HYDIN: variants seen among roughly 807,000 people sequenced by gnomAD.
The protein encoded by HYDIN is HYDIN axonemal central pair apparatus protein.
A neutral mutation model predicts 403.9 loss-of-function variants in HYDIN; 132 were observed. The ratio of observed to expected loss-of-function variants is 0.33; its 90% CI spans 0.28 to 0.38. The LOEUF is 0.38. Among genes scored for constraint, HYDIN ranks in the 10% least tolerant of loss-of-function variants. The pLI, the probability that HYDIN is intolerant of heterozygous loss-of-function variation, is 1.00. For synonymous variants in HYDIN, 1,202 were observed against 1,891.7 expected, an observed-to-expected ratio of 0.64 and a Z score of 9.46; for missense variants, 2,827 against 5,009.5, an observed-to-expected ratio of 0.56 and a Z score of 13.15.
chr16:70,896,144 T>C, intron 53 of HYDIN, 64 bp from the exon 54 acceptor site: 4 of 1,597,276 alleles, frequency 2.5e-6, no homozygotes, highest in Non-Finnish European at 3.4e-6. Flanking sequence ...GCCTGAAACA[T>C]GTAATATCCT....
chr16:70,820,357 A>AT (rs1268823169), intron 83 of HYDIN, among the ~76,000 whole-genome samples: 160 of 147,140 alleles, frequency 1.1e-3, no homozygotes, highest in Admixed American at 5.4e-3. Flanking sequence ...TGCCTGGCTA[A>AT]TTTTTTTGTG....
At chr16:71,157,758 C>T (rs1172373470) in intron 6 of HYDIN, among the ~76,000 whole-genome samples, 1 of 141,258 alleles carries the variant, frequency 7.1e-6, no homozygotes, top group Non-Finnish European at 1.5e-5. Context: ...GACTTGGTTA[C>T]ACAGAAGATG....
intron 85 of HYDIN, 120 bp from the exon 86 acceptor site, chr16:70,808,182 G>C: frequency 8.6e-7 from 1 of 1,165,328 alleles, no homozygotes; most frequent in Non-Finnish European, 1.2e-6. Flanking sequence ...GTGAGACTGG[G>C]AATGTTATAA....
At chr16:71,106,168 C>T (rs924335168) in intron 10 of HYDIN, among the ~76,000 whole-genome samples, 1 of 144,786 alleles carries the variant, frequency 6.9e-6, no homozygotes, top group African/African-American at 2.5e-5. Context: ...TCCCTCCCTC[C>T]CTCTCTCTCT....
intron 45 of HYDIN, among the ~76,000 whole-genome samples, chr16:70,927,941 C>T (rs543719982): frequency 2.0e-5 from 3 of 150,176 alleles, no homozygotes; most frequent in Admixed American, 6.6e-5. Flanking sequence ...TGCCAAAGAA[C>T]CTGTACCTAA....
At chr16:70,907,215 G>T (rs968378787) in intron 50 of HYDIN, among the ~76,000 whole-genome samples, 157 bp downstream of exon 50, 1 of 152,130 alleles carries the variant, frequency 6.6e-6, no homozygotes, top group Non-Finnish European at 1.5e-5. Context: ...CCAGCAGGGA[G>T]TTGGGACACA....
Position 70,807,158 on chromosome 16 carries a change from A to T in HYDIN, c.*422T>A, listed in dbSNP as rs773311994. Among the ~76,000 whole-genome samples, 1 of 152,236 alleles carries T rather than the reference A, an allele frequency of 6.6e-6. No individual in the cohort carries two copies. The highest frequency in any genetic ancestry group is 2.4e-5 in the African/African-American group (1 of 41,470). On this transcript the variant is annotated 3_prime_UTR_variant, in exon 86 of 86. Coordinates refer to ENST00000393567, the MANE Select transcript of HYDIN (RefSeq NM_001270974.2). ...GCAGAATAAAATGCCACATCAAAAT[A>T]GTCATGTCTAAGGGCTTTTTAAACC...
intron 23 of HYDIN, among the ~76,000 whole-genome samples, chr16:70,993,191 C>G: frequency 6.6e-6 from 1 of 152,184 alleles, no homozygotes; most frequent in East Asian, 1.9e-4. Flanking sequence ...TAACCATGTC[C>G]TAGAGTATCA....
intron 35 of HYDIN, among the ~76,000 whole-genome samples, chr16:70,972,644 T>C (rs912974377): frequency 6.6e-6 from 1 of 152,094 alleles, no homozygotes; most frequent in Non-Finnish European, 1.5e-5. Flanking sequence ...ATACTGTGCA[T>C]TTAATCTTCA....
intron 23 of HYDIN, among the ~76,000 whole-genome samples, chr16:70,999,942 G>T (rs1184150511): frequency 2.0e-5 from 3 of 152,126 alleles, no homozygotes; most frequent in African/African-American, 7.2e-5. Context: ...CGCTCCAGAA[G>T]GTGTCCCCAC....
At chr16:70,969,352 A>G (rs947425335) in intron 36 of HYDIN, among the ~76,000 whole-genome samples, 5 of 152,278 alleles carry the variant, frequency 3.3e-5, no homozygotes, top group African/African-American at 1.2e-4. Context: ...AAACTTCTGT[A>G]AACTAAGACA....
chr16:70,933,235 C>A (rs1443563164), intron 45 of HYDIN, among the ~76,000 whole-genome samples: 2 of 152,140 alleles, frequency 1.3e-5, no homozygotes, highest in East Asian at 3.9e-4. Flanking sequence ...GGGGGACTCC[C>A]TCACAGGGCT....
At chr16:70,996,101 C>CA (rs1451844256) in intron 23 of HYDIN, among the ~76,000 whole-genome samples, 1 of 151,130 alleles carries the variant, frequency 6.6e-6, no homozygotes, top group African/African-American at 2.4e-5. Context: ...CTGAGTGGGA[C>CA]AAACTGTGAT....
At chr16:70,916,852 CCTTCCTTCCTTG>C (rs1024562908) in intron 47 of HYDIN, among the ~76,000 whole-genome samples, 7 of 151,838 alleles carry the variant, frequency 4.6e-5, no homozygotes, top group African/African-American at 1.7e-4. Flanking sequence ...CTTTTTCCTT[CCTTCCTTCCTTG>C]CTTCCTTCCT....
At chr16:70,953,299 GT>G (rs2078129161) in intron 40 of HYDIN, among the ~76,000 whole-genome samples, 1 of 152,086 alleles carries the variant, frequency 6.6e-6, no homozygotes, top group Non-Finnish European at 1.5e-5. Context: ...TGGGACTACA[GT>G]GGGGAAAATT....
rs538706027 is a variant in HYDIN at position 70,996,276 on chromosome 16, C to T, written c.3645-4066G>A. On this transcript the variant is annotated intron_variant, in intron 23 of 85. Transcript: ENST00000393567. The stretch of plus-strand genomic sequence containing the variant: ...TCACCTCAAGAACCACACTCTCGGG[C>T]TCTCCTAGGGAATCCACTACAGTGT... 6.6e-5 allele frequency among the ~76,000 whole-genome samples: 10 copies of T among 152,338 alleles called. No homozygotes were observed. In the East Asian group the frequency reaches 1.9e-3, roughly 29 times the overall value.
chr16:70,938,654 C>T lies in HYDIN; in HGVS notation c.6955G>A (p.Asp2319Asn), dbSNP rs778149740. ...CGGAGCGCCTGCTGAATCCCCCGAT[C>T]GAATGTGAGTTTCTCCTCCTCAGTC... Reference protein sequence around the residue: ...ALTEEEKLTFDRGIQQALRER... With the variant: ...ALTEEEKLTFNRGIQQALRER... Residue 2319 changes from aspartate (D) to asparagine (N), a missense_variant, in exon 44 of 86, where the codon GAT (aspartate) becomes AAT (asparagine). Physicochemically the swap from Asp to Asn is conservative, Grantham distance 23 (BLOSUM62 1). Coordinates refer to ENST00000393567, the MANE Select transcript of HYDIN (RefSeq NM_001270974.2). The T allele has an allele frequency of 5.6e-6, 9 of 1,607,432 alleles. No individual in the cohort carries two copies. The East Asian group carries it at 8.9e-5, about 16-fold the overall frequency.
At position 70,845,722 on chromosome 16, in the gene HYDIN, T is replaced by C. The variant is rs2143561383; in HGVS notation, c.12873+4004A>G. Among the ~76,000 whole-genome samples, 2 of 138,296 alleles carry C rather than the reference T, an allele frequency of 1.4e-5. 1 individual carries two copies. Among genetic ancestry groups the C allele is most frequent in the South Asian group, 4.3e-4 (2 of 4,676 alleles). The allele number at this position is 138,296 out of a possible 152,430, so 90.7% of individuals were successfully genotyped here. A position where few individuals can be genotyped will look rare whatever the true frequency, so the allele number is the denominator to read the frequency against. ...TGTTTATTGCCACAATTTCAGCTCC[T>C]GTTATTGGTCTATTCAGAGATTCAA... is the stretch of plus-strand genomic sequence containing the variant. On this transcript the variant is annotated intron_variant, in intron 75 of 85. Coordinates refer to ENST00000393567, the MANE Select transcript of HYDIN (RefSeq NM_001270974.2).
At chr16:71,173,937 G>T (rs1399349709) in intron 5 of HYDIN, among the ~76,000 whole-genome samples, 1 of 152,128 alleles carries the variant, frequency 6.6e-6, no homozygotes, top group East Asian at 1.9e-4. Flanking sequence ...TGTATTTCAA[G>T]CTGCACAAAG....
Sources: allele counts gnomAD v4.1 joint callset (sites outside exome capture counted in the v4.1 genomes callset), GRCh38; gene constraint gnomAD v4.1.1; transcripts MANE v1.5; gene names NCBI Gene and HGNC (gene_info 2026-07-23, HGNC 2026-07-21).